Variants in OR7C1 observed in about 807,000 individuals in gnomAD.
OR7C1 encodes the protein olfactory receptor 7C1.
For synonymous variants in OR7C1, 152 were observed against 160.7 expected (o/e 0.95, Z 0.41); for missense variants, 324 against 383.3 (o/e 0.85, Z 1.29).
intron 1 of OR7C1, among the ~76,000 whole-genome samples, chr19:14,811,935 G>A (rs907537293): frequency 1.3e-5 from 2 of 151,872 alleles, no homozygotes; most frequent in African/African-American, 4.9e-5. Context: ...ACCAGTACTG[G>A]TCTGTGGCCC....
chr19:14,805,683 G>A (rs2044663425), intron 2 of OR7C1, among the ~76,000 whole-genome samples: 1 of 151,808 alleles, frequency 6.6e-6, no homozygotes, highest in South Asian at 2.1e-4. Flanking sequence ...CCAAAGTGCT[G>A]GGATTATAGG....
At position 14,804,581 on chromosome 19, in the gene OR7C1, G is replaced by A. The variant is rs115829086; in HGVS notation, c.-434-3817C>T. On this transcript the variant is annotated intron_variant, in intron 2 of 4. Coordinates refer to ENST00000641666, the Ensembl canonical transcript of OR7C1. ...ATTAGTAGAACCTGACCCCAAGGAA[G>A]CCTTTACTGAGGCTCAATGCCTGGG... Among the ~76,000 whole-genome samples the A allele has an allele frequency of 2.3e-3, 344 of 151,508 alleles. 9 individuals are homozygous for A. Among genetic ancestry groups the A allele is most frequent in the African/African-American group, 8.2e-3 (335 of 40,814 alleles).
chr19:14,801,696 T>C (rs531286902), intron 2 of OR7C1, among the ~76,000 whole-genome samples: 4 of 152,320 alleles, frequency 2.6e-5, no homozygotes, highest in Non-Finnish European at 5.9e-5. Context: ...AGTGGTTTAG[T>C]TGATTCACAG....
chr19:14,822,759 T>C lies in OR7C1; in HGVS notation c.-623+12315A>G, dbSNP rs1232695893. Among the ~76,000 whole-genome samples, 4 of 152,278 alleles carry C rather than the reference T, an allele frequency of 2.6e-5. No homozygotes were observed. The East Asian group carries it at 7.7e-4, about 29-fold the overall frequency. ...GTGGTTATAATGTACATTTCTCTGA[T>C]AATCAGTGATGTTGAGCATTTTTTC... On this transcript the variant is annotated intron_variant, in intron 1 of 4. Coordinates refer to ENST00000641666, the Ensembl canonical transcript of OR7C1.
At chr19:14,808,029 C>G (rs1281822169) in intron 2 of OR7C1, among the ~76,000 whole-genome samples, 4 of 150,576 alleles carry the variant, frequency 2.7e-5, no homozygotes, top group Non-Finnish European at 5.9e-5. Flanking sequence ...GTGTAATCAT[C>G]AGATAAATGC....
chr19:14,807,776 G>A (rs1173341476), intron 2 of OR7C1, among the ~76,000 whole-genome samples: 1 of 151,694 alleles, frequency 6.6e-6, no homozygotes, highest in Non-Finnish European at 1.5e-5. Context: ...GGTGCCTGTA[G>A]TCCCAGCTAC....
chr19:14,808,494 T>C (rs1348311934), intron 2 of OR7C1, among the ~76,000 whole-genome samples: 1 of 151,958 alleles, frequency 6.6e-6, no homozygotes, highest in Non-Finnish European at 1.5e-5. Context: ...TGGAGGCCAT[T>C]ATCCTAAGTA....
At chr19:14,811,293 C>T (rs949791810) in intron 1 of OR7C1, among the ~76,000 whole-genome samples, 9 of 151,848 alleles carry the variant, frequency 5.9e-5, no homozygotes, top group South Asian at 2.1e-4. Flanking sequence ...GAGTCTCTAA[C>T]GGTGATTCTG....
chr19:14,811,186 C>T (rs968584527), intron 1 of OR7C1, among the ~76,000 whole-genome samples: 2 of 151,906 alleles, frequency 1.3e-5, no homozygotes, highest in Non-Finnish European at 2.9e-5. Context: ...CATGTAACCA[C>T]AAACTGGGTG....
intron 1 of OR7C1, among the ~76,000 whole-genome samples, chr19:14,810,484 A>G (rs2044685998): frequency 6.6e-6 from 1 of 150,884 alleles, no homozygotes; most frequent in Non-Finnish European, 1.5e-5. Context: ...GGTTCACACC[A>G]TTCTCCTGCC....
intron 1 of OR7C1, among the ~76,000 whole-genome samples, chr19:14,822,447 C>T (rs910849208): frequency 8.5e-5 from 11 of 129,240 alleles, no homozygotes; most frequent in Middle Eastern, 5.5e-3. Context: ...TGCAGTGGTG[C>T]GATCTCAGCT....
exon 5 of OR7C1, chr19:14,798,619 A>AT (rs2044622722): frequency 6.6e-6 from 1 of 152,542 alleles, no homozygotes; most frequent in South Asian, 2.1e-4. Context: ...TGAAATGCAC[A>AT]GGGTTTTATA....
rs576913220 is a variant in OR7C1, at chr19:14,803,794, C to G, written c.-434-3030G>C. On this transcript the variant is annotated intron_variant, in intron 2 of 4. Transcript: ENST00000641666. Reference sequence around the variant, plus strand: ...GCGCGATCTCGGCTCACTTCAACCTCTGCCTCCTGGGTTCAAGTGATTCTC... The same window carrying G: ...GCGCGATCTCGGCTCACTTCAACCTGTGCCTCCTGGGTTCAAGTGATTCTC... 9.9e-5 allele frequency among the ~76,000 whole-genome samples: 15 copies of G among 152,030 alleles called. No individual in the cohort carries two copies. In the South Asian group the frequency reaches 2.9e-3, roughly 29 times the overall value.
chr19:14,833,801 C>T (rs1041545773), intron 1 of OR7C1, among the ~76,000 whole-genome samples: 1 of 141,614 alleles, frequency 7.1e-6, no homozygotes, highest in South Asian at 2.2e-4. Flanking sequence ...AGTAAGAAAT[C>T]TCACGTCCAT....
chr19:14,815,547 T>C (rs2044712077), intron 1 of OR7C1, among the ~76,000 whole-genome samples: 1 of 152,222 alleles, frequency 6.6e-6, no homozygotes, highest in African/African-American at 2.4e-5. Flanking sequence ...CTCTGTGGGA[T>C]TGCCATCTTG....
chr19:14,800,662 C>A (rs953203895), exon 3 of OR7C1: 1 of 152,438 alleles, frequency 6.6e-6, no homozygotes, highest in African/African-American at 2.4e-5. Context: ...GGAGCTTGCA[C>A]GGGTGAATGC....
chr19:14,831,593 C>T lies in OR7C1; in HGVS notation c.-623+3481G>A, dbSNP rs562613347. 1.2e-4 allele frequency among the ~76,000 whole-genome samples: 19 copies of T among 152,032 alleles called. No individual in the cohort carries two copies. The South Asian group carries it at 3.9e-3, about 32-fold the overall frequency. On this transcript the variant is annotated intron_variant, in intron 1 of 4. Coordinates refer to ENST00000641666, the Ensembl canonical transcript of OR7C1. ...CTGAGTAGCTGGCATTACAGGTGCC[C>T]GCCACTGTGCCCGGCTAATTTTTGT...
At chr19:14,830,075 C>A (rs2044816261) in intron 1 of OR7C1, among the ~76,000 whole-genome samples, 1 of 152,190 alleles carries the variant, frequency 6.6e-6, no homozygotes, top group South Asian at 2.1e-4. Context: ...GTTGCCCAGG[C>A]TGGTCTTGAA....
At chr19:14,810,876 C>G (rs1452048731) in intron 1 of OR7C1, among the ~76,000 whole-genome samples, 2 of 151,898 alleles carry the variant, frequency 1.3e-5, no homozygotes, top group Non-Finnish European at 2.9e-5. Context: ...GGGCTAAACA[C>G]ATTCATATTT....
Sources: allele counts gnomAD v4.1 joint callset (sites outside exome capture counted in the v4.1 genomes callset), GRCh38; gene constraint gnomAD v4.1.1; transcripts MANE v1.5; gene names NCBI Gene and HGNC (gene_info 2026-07-23, HGNC 2026-07-21).